SAMD5: variants seen among roughly 807,000 people sequenced by gnomAD.
The protein encoded by SAMD5 is sterile alpha motif domain containing 5.
A neutral mutation model predicts 11.3 loss-of-function variants in SAMD5; 13 were observed. The observed-to-expected ratio is 1.15, with a 90% confidence interval of 0.75 to 1.83. The LOEUF (loss-of-function observed/expected upper bound fraction) is 1.83, where lower values mean the gene tolerates loss of function less well. Among genes scored for constraint, SAMD5 ranks in the 40% most tolerant of loss-of-function variants. The pLI is 0.00. For synonymous variants in SAMD5, 129 were observed against 111.3 expected (o/e 1.16, Z -1.00); for missense variants, 255 against 239.1 (o/e 1.07, Z -0.44).
chr6:147,673,579 T>A (rs1790825167), intron 1 of SAMD5, among the ~76,000 whole-genome samples: 1 of 151,850 alleles, frequency 6.6e-6, no homozygotes, highest in Non-Finnish European at 1.5e-5. Context: ...TGCGGACACT[T>A]CCTCTATTTA....
At chr6:147,883,085 T>C in the SAMD5 span, among the ~76,000 whole-genome samples, 1 of 152,218 alleles carries the variant, frequency 6.6e-6, no homozygotes, top group African/African-American at 2.4e-5. Context: ...AAATTACATG[T>C]AAATGTTTTT....
intron 1 of SAMD5, among the ~76,000 whole-genome samples, chr6:147,601,321 C>T (rs1037245302): frequency 2.6e-5 from 4 of 151,314 alleles, no homozygotes; most frequent in African/African-American, 9.8e-5. Context: ...TGTACATACC[C>T]TGAACACCAT....
At position 147,565,305 on chromosome 6, in the gene SAMD5, C is replaced by A; in HGVS notation, c.*849C>A. The A allele has an allele frequency of 3.0e-6, 3 of 985,902 alleles. No homozygotes were observed. The highest frequency in any genetic ancestry group is 3.6e-6 in the Non-Finnish European group (3 of 829,980). The allele number at this position is 985,902 out of a possible 1,614,324, so 61.1% of individuals were successfully genotyped here. A position where few individuals can be genotyped will look rare whatever the true frequency, so the allele number is the denominator to read the frequency against. ...GCTCTCCAGGCTTCTGACTTCAGGC[C>A]TGTGGGGGCCGGGAGGTGGGCAGCG... On this transcript the variant is annotated 3_prime_UTR_variant, in exon 2 of 2. Transcript: ENST00000367474.
chr6:147,718,670 G>A (rs1320930857), intron 1 of SAMD5, among the ~76,000 whole-genome samples: 1 of 148,920 alleles, frequency 6.7e-6, no homozygotes, highest in Non-Finnish European at 1.5e-5. Flanking sequence ...ATGTAATGTT[G>A]TTGGAAGTGG....
At chr6:147,907,317 T>C in the SAMD5 span, among the ~76,000 whole-genome samples, 1 of 152,178 alleles carries the variant, frequency 6.6e-6, no homozygotes, top group African/African-American at 2.4e-5. Context: ...TCAGTAAATA[T>C]TCTCTCCTCC....
At chr6:147,521,950 A>G (rs1482501874) in intron 1 of SAMD5, among the ~76,000 whole-genome samples, 2 of 152,148 alleles carry the variant, frequency 1.3e-5, no homozygotes, top group African/African-American at 4.8e-5. Flanking sequence ...AATTAGAGAA[A>G]GCAAACCTTC....
chr6:147,671,069 A>G (rs1790787912), intron 1 of SAMD5, among the ~76,000 whole-genome samples: 1 of 152,190 alleles, frequency 6.6e-6, no homozygotes, highest in Non-Finnish European at 1.5e-5. Flanking sequence ...CCCAATTTCA[A>G]TGTTGTGTCT....
At chr6:147,540,933 GTTTTTTTTTTT>G (rs1187718649) in intron 1 of SAMD5, among the ~76,000 whole-genome samples, 1 of 64,156 alleles carries the variant, frequency 1.6e-5, no homozygotes, top group Non-Finnish European at 2.9e-5. Context: ...CAAGCCACGC[GTTTTTTTTTTT>G]TTTTTTTTTT....
At chr6:147,717,571 C>T (rs1791486038) in intron 1 of SAMD5, among the ~76,000 whole-genome samples, 1 of 152,206 alleles carries the variant, frequency 6.6e-6, no homozygotes, top group African/African-American at 2.4e-5. Flanking sequence ...GTCCATTCTC[C>T]TTCACCTTCC....
chr6:147,950,443 C>G, the SAMD5 span, among the ~76,000 whole-genome samples: 1 of 152,176 alleles, frequency 6.6e-6, no homozygotes, highest in Admixed American at 6.5e-5. Context: ...TTGTGCGTGG[C>G]ATTCAGACTG....
At chr6:147,664,189 A>C (rs1344296368) in intron 1 of SAMD5, among the ~76,000 whole-genome samples, 8 of 152,154 alleles carry the variant, frequency 5.3e-5, no homozygotes, top group South Asian at 4.1e-4. Flanking sequence ...AACTTGAAAC[A>C]GTGAGGAGAC....
chr6:147,905,147 C>G, the SAMD5 span, among the ~76,000 whole-genome samples: 1 of 152,196 alleles, frequency 6.6e-6, no homozygotes, highest in African/African-American at 2.4e-5. Context: ...CTCGGCCTCC[C>G]AAAGTGCTGG....
At chr6:147,716,515 C>T (rs1206798298) in intron 1 of SAMD5, among the ~76,000 whole-genome samples, 1 of 152,228 alleles carries the variant, frequency 6.6e-6, no homozygotes, top group Non-Finnish European at 1.5e-5. Context: ...CCCCCAAGAG[C>T]ACAGGGATGC....
In SAMD5 at chr6:147,568,640, A is replaced by T; in HGVS notation, c.*4184A>T. On this transcript the variant is annotated 3_prime_UTR_variant, in exon 2 of 2. Transcript: ENST00000367474. ...AGTAAAGCCATATAGATGCACACATAGTGACTTTATTAAATCAAATGAGTT... is the reference window on the plus strand; with the variant it reads ...AGTAAAGCCATATAGATGCACACATTGTGACTTTATTAAATCAAATGAGTT... The T allele has an allele frequency of 1.0e-6, 1 of 985,288 alleles. No individual in the cohort carries two copies. Among genetic ancestry groups the T allele is most frequent in the South Asian group, 4.7e-5 (1 of 21,290 alleles). 61.0% of individuals were successfully genotyped at this position (985,288 alleles called of 1,614,324 possible). A position where few individuals can be genotyped will look rare whatever the true frequency, so the allele number is the denominator to read the frequency against.
Position 147,509,037 on chromosome 6 carries a change from G to A in SAMD5, c.109G>A (p.Gly37Arg), listed in dbSNP as rs1263441129. The change falls in exon 1 of 2, where the codon GGG becomes AGG. Residue 37 changes from glycine (G) to arginine (R), a missense_variant. Gly to Arg is a moderately radical substitution (Grantham distance 125). Transcript: ENST00000367474. ...TGACCTGGAGGTGTGCAAGCAGATC[G>A]GGGACCCGGACCTGGATGCCATCGG... Reference protein sequence around the residue: ...YDDLEVCKQIGDPDLDAIGVL... With the variant: ...YDDLEVCKQIRDPDLDAIGVL... The A allele has an allele frequency of 6.2e-7, 1 of 1,607,096 alleles. No homozygotes were observed. Among genetic ancestry groups the A allele is most frequent in the Non-Finnish European group, 8.5e-7 (1 of 1,177,506 alleles).
At chr6:147,707,487 G>A (rs1326016514) in intron 1 of SAMD5, among the ~76,000 whole-genome samples, 1 of 152,166 alleles carries the variant, frequency 6.6e-6, no homozygotes, top group Non-Finnish European at 1.5e-5. Context: ...CTTCCCACAG[G>A]AAGAGAGATG....
At chr6:147,892,086 T>C in the SAMD5 span, among the ~76,000 whole-genome samples, 1 of 152,160 alleles carries the variant, frequency 6.6e-6, no homozygotes, top group Non-Finnish European at 1.5e-5. Flanking sequence ...CTCTCCTGGG[T>C]TGCAAATACT....
chr6:147,780,865 C>T, the SAMD5 span, among the ~76,000 whole-genome samples: 3 of 152,094 alleles, frequency 2.0e-5, no homozygotes, highest in African/African-American at 7.2e-5. Context: ...GCCTGACATG[C>T]TAATTCTTTG....
chr6:147,674,833 T>G (rs756019910), intron 1 of SAMD5, among the ~76,000 whole-genome samples: 9 of 152,318 alleles, frequency 5.9e-5, no homozygotes, highest in South Asian at 2.1e-4. Context: ...CTGCCCACTC[T>G]CCTTCTGCTG....
Sources: allele counts gnomAD v4.1 joint callset (sites outside exome capture counted in the v4.1 genomes callset), GRCh38; gene constraint gnomAD v4.1.1; transcripts MANE v1.5; gene names NCBI Gene and HGNC (gene_info 2026-07-23, HGNC 2026-07-21).